DGKB: variants seen among roughly 807,000 people sequenced by gnomAD.
DGKB encodes the protein 90 kDa diacylglycerol kinase.
Under a neutral mutation model 114.3 loss-of-function variants are expected in DGKB, and 67 were observed. The ratio of observed to expected loss-of-function variants is 0.59; its 90% confidence interval spans 0.48 to 0.72. DGKB has a LOEUF of 0.72. DGKB is among the 30% of genes least tolerant of loss of function. DGKB has a pLI of 0.00. For missense variants in DGKB, 907 were observed against 975.2 expected, an observed-to-expected ratio of 0.93 and a Z score of 0.93; for synonymous variants, 398 against 323.1, an observed-to-expected ratio of 1.23 and a Z score of -2.49.
At chr7:14,806,284 A>G (rs1842785643) in intron 2 of DGKB, among the ~76,000 whole-genome samples, 1 of 152,070 alleles carries the variant, frequency 6.6e-6, no homozygotes. Flanking sequence ...GTTTCAATTA[A>G]TACTTTCATA....
At chr7:14,536,238 A>G (rs1792475683) in intron 20 of DGKB, among the ~76,000 whole-genome samples, 1 of 152,154 alleles carries the variant, frequency 6.6e-6, no homozygotes. Flanking sequence ...AAGAATTAAT[A>G]CCAATCCTTT....
At chr7:14,533,331 T>C (rs1431538) in intron 20 of DGKB, among the ~76,000 whole-genome samples, 57,354 of 151,348 alleles carry the variant, frequency 0.38, 11,243 homozygotes, top group Admixed American at 0.47. Context: ...AACAGGTCAT[T>C]TGAAATTCTC....
intron 25 of DGKB, among the ~76,000 whole-genome samples, chr7:14,163,450 C>G (rs916357415): frequency 3.3e-5 from 5 of 152,144 alleles, no homozygotes; most frequent in African/African-American, 1.2e-4. Flanking sequence ...CAACTAAACA[C>G]TGATGTGCCA....
chr7:14,278,305 A>G (rs1562816765), intron 23 of DGKB, among the ~76,000 whole-genome samples: 1 of 152,220 alleles, frequency 6.6e-6, no homozygotes, highest in Admixed American at 6.5e-5. Flanking sequence ...ATACAGACCA[A>G]TGGAATGGGA....
rs561871291 is a variant in DGKB, at chr7:14,964,162, T to C, written c.-188+10534A>G. 1.8e-4 allele frequency among the ~76,000 whole-genome samples: 27 copies of C among 152,214 alleles called. No homozygotes were observed. In the South Asian group the frequency reaches 3.5e-3, roughly 20 times the overall value. ...GAAGAAGGAATAGAGTCACATAATATGTGCTAAGGCATAGAGTCACAAAAT... is the reference window on the plus strand; with the variant it reads ...GAAGAAGGAATAGAGTCACATAATACGTGCTAAGGCATAGAGTCACAAAAT... On this transcript the variant is annotated intron_variant, in intron 1 of 4. Coordinates refer to the DGKB transcript ENST00000437998.
intron 1 of DGKB, among the ~76,000 whole-genome samples, chr7:14,931,530 G>C (rs1785020070): frequency 1.3e-5 from 2 of 152,176 alleles, no homozygotes; most frequent in Non-Finnish European, 2.9e-5. Context: ...GAGTGGGGCA[G>C]TCCTCAGACC....
At chr7:14,828,054 T>C (rs577556743) in intron 2 of DGKB, among the ~76,000 whole-genome samples, 3 of 152,226 alleles carry the variant, frequency 2.0e-5, no homozygotes, top group African/African-American at 7.2e-5. Flanking sequence ...GTTTATAAAG[T>C]AAATCTTCAG....
chr7:14,177,451 G>A lies in DGKB; in HGVS notation c.2244-552C>T, dbSNP rs200841508. Among the ~76,000 whole-genome samples the A allele has an allele frequency of 2.0e-4, 31 of 151,486 alleles. No homozygotes were observed. The East Asian group carries it at 5.9e-3, about 29-fold the overall frequency. The stretch of plus-strand genomic sequence containing the variant: ...GGTGCCTGTAATCCCAGATACTCGG[G>A]AGGATGAGGCAGAAGAATCCTTGAA... On this transcript the variant is annotated intron_variant, in intron 24 of 25. Coordinates refer to ENST00000402815, the MANE Select transcript of DGKB (RefSeq NM_001350709.2).
intron 4 of DGKB, among the ~76,000 whole-genome samples, chr7:14,747,208 C>G (rs1467359253): frequency 1.4e-5 from 1 of 72,188 alleles, no homozygotes; most frequent in Non-Finnish European, 2.7e-5. Flanking sequence ...TTTTTTTTTT[C>G]CTAAGAGAAG....
At position 14,294,963 on chromosome 7, in the gene DGKB, C is replaced by A. The variant is rs575986961; in HGVS notation, c.2122+43552G>T. Among the ~76,000 whole-genome samples the A allele has an allele frequency of 2.6e-5, 4 of 152,122 alleles. No individual in the cohort carries two copies. In the East Asian group the frequency reaches 7.8e-4, roughly 29 times the overall value. ...AATGCAGTCTAAATTAGAAAGGTTC[C>A]CGAAATTTTTCCAAATGGAGATGAA... On this transcript the variant is annotated intron_variant, in intron 23 of 25. Transcript: ENST00000402815.
chr7:14,490,561 A>C (rs1229314081), intron 20 of DGKB, among the ~76,000 whole-genome samples: 3 of 152,134 alleles, frequency 2.0e-5, no homozygotes, highest in Non-Finnish European at 2.9e-5. Context: ...TTACTCACAG[A>C]AATGTGGATT....
chr7:14,753,921 G>T lies in DGKB; in HGVS notation c.168+7C>A, dbSNP rs761642389. ...GACAGACTTTAATAGAAAAGAAAAT[G>T]TCTTACTTGGTTAAGAATGTCTTGT... On this transcript the variant is annotated splice_region_variant and intron_variant, in intron 4 of 25. Transcript: ENST00000402815. 6.7e-7 allele frequency: 1 copy of T among 1,490,144 alleles called. No homozygotes were observed. Among genetic ancestry groups the T allele is most frequent in the Non-Finnish European group, 9.2e-7 (1 of 1,087,894 alleles). The allele number at this position is 1,490,144 out of a possible 1,614,324, so 92.3% of individuals were successfully genotyped here. A position where few individuals can be genotyped will look rare whatever the true frequency, so the allele number is the denominator to read the frequency against.
At chr7:14,788,792 G>A (rs577013193) in intron 2 of DGKB, among the ~76,000 whole-genome samples, 3 of 152,102 alleles carry the variant, frequency 2.0e-5, no homozygotes, top group Middle Eastern at 3.4e-3. Context: ...CCTTTCTCTC[G>A]GGATTCGTGA....
chr7:14,203,727 T>C (rs1226481682), intron 23 of DGKB, among the ~76,000 whole-genome samples: 1 of 151,974 alleles, frequency 6.6e-6, no homozygotes, highest in East Asian at 1.9e-4. Flanking sequence ...ATGAGTATGA[T>C]GGAAATGTAA....
intron 13 of DGKB, among the ~76,000 whole-genome samples, chr7:14,661,681 T>C (rs1817113310): frequency 6.6e-6 from 1 of 151,768 alleles, no homozygotes; most frequent in Admixed American, 6.6e-5. Context: ...GAAATACCAT[T>C]TGACCCAGCC....
chr7:14,672,362 TTTTCATAGTTAC>T (rs778829862), intron 13 of DGKB, among the ~76,000 whole-genome samples: 2 of 152,142 alleles, frequency 1.3e-5, no homozygotes, highest in Non-Finnish European at 1.5e-5. Flanking sequence ...AGGTTCGTTC[TTTTCATAGTTAC>T]TTTACTCATG....
At chr7:14,612,081 T>G (rs1440956403) in intron 16 of DGKB, among the ~76,000 whole-genome samples, 1 of 151,772 alleles carries the variant, frequency 6.6e-6, no homozygotes, top group Non-Finnish European at 1.5e-5. Context: ...AAAACATTAT[T>G]TAAAATAATT....
intron 20 of DGKB, among the ~76,000 whole-genome samples, chr7:14,522,148 G>A (rs1258102172): frequency 6.6e-6 from 1 of 152,056 alleles, no homozygotes; most frequent in Non-Finnish European, 1.5e-5. Context: ...TTCATTTTTT[G>A]CTGATAGATA....
At chr7:14,272,251 CAT>C (rs925721753) in intron 23 of DGKB, among the ~76,000 whole-genome samples, 2 of 152,018 alleles carry the variant, frequency 1.3e-5, no homozygotes, top group African/African-American at 4.8e-5. Context: ...CAATATAAAA[CAT>C]GTAAAATCTT....
Sources: gnomAD v4.1 joint callset for allele counts (sites outside exome capture counted in the v4.1 genomes callset) on GRCh38, gnomAD v4.1.1 for gene constraint, MANE v1.5 for transcripts, NCBI Gene and HGNC (gene_info 2026-07-23, HGNC 2026-07-21) for gene names.